The following ALPL variants were observed in gnomAD, a reference collection of about 807,000 sequenced individuals.
ALPL encodes the protein alkaline phosphatase, tissue-nonspecific isozyme.
ALPL carries 42 observed loss-of-function variants against 51.3 expected under a neutral mutation model. The observed-to-expected ratio is 0.82, with a 90% CI of 0.64 to 1.06. The LOEUF is 1.06. ALPL is among the 50% of genes least tolerant of loss of function. The pLI is 0.00. For missense variants in ALPL, 589 were observed against 709.4 expected, an observed-to-expected ratio of 0.83 and a Z score of 1.93; for synonymous variants, 279 against 296.4, an observed-to-expected ratio of 0.94 and a Z score of 0.60.
At chr1:21,534,065 G>T (rs1644066703) in intron 1 of ALPL, among the ~76,000 whole-genome samples, 1 of 148,920 alleles carries the variant, frequency 6.7e-6, no homozygotes, top group South Asian at 2.1e-4. Flanking sequence ...GATCACTGCA[G>T]CCTAGACCTC....
At position 21,532,110 on chromosome 1, in the gene ALPL, A is replaced by G. The variant is rs77972728; in HGVS notation, c.-104-21868A>G. Among the ~76,000 whole-genome samples the G allele has an allele frequency of 6.7e-3, 1,021 of 152,324 alleles. 11 individuals carry two copies. The highest frequency in any genetic ancestry group is 0.023 in the African/African-American group (952 of 41,554). On this transcript the variant is annotated intron_variant, in intron 1 of 11. Transcript: ENST00000374840. ...CTGTCCCACCACCAGCCAGAGCACA[A>G]TGAATTCAAAAGTAAAACCATAAAC...
intron 8 of ALPL, among the ~76,000 whole-genome samples, chr1:21,572,559 C>T (rs10917017): frequency 0.19 from 28,689 of 152,138 alleles, 3,288 homozygotes; most frequent in East Asian, 0.46. Flanking sequence ...TTCCAGGGGG[C>T]AGGGGTTATT....
chr1:21,574,274 G>A (rs1270697024), intron 9 of ALPL: 9 of 919,196 alleles, frequency 9.8e-6, no homozygotes, highest in Non-Finnish European at 1.2e-5. Context: ...GTGCACTTCT[G>A]TTATGTGAAG....
intron 4 of ALPL, 112 bp downstream of exon 4, chr1:21,561,324 C>A: frequency 1.1e-6 from 1 of 879,640 alleles, no homozygotes; most frequent in Non-Finnish European, 1.9e-6. Context: ...CCTCCATGCC[C>A]AAGCCCACTC....
intron 8 of ALPL, 127 bp downstream of exon 8, chr1:21,570,501 A>G: frequency 1.1e-6 from 1 of 940,418 alleles, no homozygotes; most frequent in Non-Finnish European, 1.6e-6. Context: ...CTTGGGCTTC[A>G]GGACCTGGGA....
At chr1:21,575,225 C>A (rs975040115) in intron 9 of ALPL, among the ~76,000 whole-genome samples, 1 of 152,208 alleles carries the variant, frequency 6.6e-6, no homozygotes, top group African/African-American at 2.4e-5. Flanking sequence ...GAATTCACAT[C>A]CTGGCAAATC....
chr1:21,554,095 T>C lies in ALPL; in HGVS notation c.14T>C (p.Phe5Ser). 1.3e-6 allele frequency: 2 copies of C among 1,598,786 alleles called. No homozygotes were observed. The highest frequency in any genetic ancestry group is 1.3e-5 in the African/African-American group (1 of 74,364). ...TTGGGGTGCACCATGATTTCACCAT[T>C]CTTAGTACTGGCCATTGGCACCTGC... MISP[F>S]LVLAIGTCLT... The change falls in exon 2 of 12, where the codon TTC becomes TCC. Residue 5 changes from phenylalanine to serine, a missense_variant. Transcript: ENST00000374840.
At position 21,577,715 on chromosome 1, in the gene ALPL, T is replaced by C. The variant is rs1644762238; in HGVS notation, c.*67T>C. On this transcript the variant is annotated 3_prime_UTR_variant, in exon 12 of 12. Transcript: ENST00000374840. ...AACTTCCCACACGGCAGCCCCCCCCTCAAGGGGCAGGGAGGTGGGGGCCTC... is the reference window on the plus strand; with the variant it reads ...AACTTCCCACACGGCAGCCCCCCCCCCAAGGGGCAGGGAGGTGGGGGCCTC... 1 of 1,539,950 alleles carries C rather than the reference T, an allele frequency of 6.5e-7. No homozygotes were observed. The highest frequency in any genetic ancestry group is 8.7e-7 in the Non-Finnish European group (1 of 1,148,198).
At position 21,564,066 on chromosome 1, in the gene ALPL, C is replaced by A. The variant is rs1644527638; in HGVS notation, c.498C>A (p.Thr166=). 6.2e-7 allele frequency: 1 copy of A among 1,614,014 alleles called. No individual in the cohort carries two copies. Among genetic ancestry groups the A allele is most frequent in the Non-Finnish European group, 8.5e-7 (1 of 1,179,998 alleles). ...GGAAATCTGTGGGCATTGTGACCAC[C>A]ACGAGAGTGAACCATGCCACCCCCA... The part of the protein sequence containing the change: ...DAGKSVGIVT[T]TRVNHATPSA... The change falls in exon 6 of 12, where the codon ACC becomes ACA. Residue 166 remains threonine, a synonymous_variant. Coordinates refer to ENST00000374840, the MANE Select transcript of ALPL (RefSeq NM_000478.6). The surrounding 1 kb of genome is among the most constrained non-coding windows in gnomAD (Gnocchi z 5.8).
chr1:21,563,683 G>A (rs1419773234), intron 5 of ALPL, among the ~76,000 whole-genome samples: 2 of 152,180 alleles, frequency 1.3e-5, no homozygotes, highest in Non-Finnish European at 2.9e-5. Flanking sequence ...TTAGTCAGGG[G>A]CCAAGGCCAA....
chr1:21,560,802 G>A (rs1644473932), intron 3 of ALPL, 57 bp downstream of exon 3: 2 of 1,608,460 alleles, frequency 1.2e-6, no homozygotes, highest in African/African-American at 2.7e-5. Context: ...AGGAGCCCCG[G>A]GAGCCAGGCT....
chr1:21,573,059 G>A (rs1644671649), intron 8 of ALPL, among the ~76,000 whole-genome samples: 1 of 152,208 alleles, frequency 6.6e-6, no homozygotes, highest in South Asian at 2.1e-4. Context: ...GCAAGTTATG[G>A]AACACCTCTG....
chr1:21,565,552 G>C (rs1014100371), intron 6 of ALPL, among the ~76,000 whole-genome samples: 5 of 151,054 alleles, frequency 3.3e-5, no homozygotes, highest in Non-Finnish European at 5.9e-5. Flanking sequence ...CTGAGCAGGG[G>C]ACAGGAACTT....
chr1:21,576,512 C>G lies in ALPL; in HGVS notation c.1190-10C>G, dbSNP rs752514540. On this transcript the variant is annotated splice_polypyrimidine_tract_variant and intron_variant, in intron 10 of 11. Coordinates refer to ENST00000374840, the MANE Select transcript of ALPL (RefSeq NM_000478.6). ...CCAGCATGACCCCTGAACACCCCCT[C>G]CCTGTGCAGGTCTGGCCCCCATGCT... The G allele has an allele frequency of 1.2e-5, 20 of 1,613,650 alleles. No homozygotes were observed. Among genetic ancestry groups the G allele is most frequent in the Non-Finnish European group, 1.7e-5 (20 of 1,179,802 alleles).
chr1:21,570,277 C>A (rs61778391), intron 7 of ALPL, 28 bp from the exon 8 acceptor site: 1 of 1,611,860 alleles, frequency 6.2e-7, no homozygotes, highest in East Asian at 2.2e-5. Context: ...TAGCCCCCGG[C>A]ATGTGCTGAC....
At chr1:21,573,858 TGGA>T (rs1644688726) in intron 9 of ALPL, 59 bp downstream of exon 9, 1 of 1,611,976 alleles carries the variant, frequency 6.2e-7, no homozygotes, top group African/African-American at 1.3e-5. Flanking sequence ...GGTGTCAGGA[TGGA>T]GAAGTCCAGC....
At chr1:21,523,844 G>A (rs1245316845) in intron 1 of ALPL, among the ~76,000 whole-genome samples, 1 of 152,150 alleles carries the variant, frequency 6.6e-6, no homozygotes, top group African/African-American at 2.4e-5. Flanking sequence ...CCCAGGGCTT[G>A]GCTCTGGTGA....
intron 10 of ALPL, 54 bp from the exon 11 acceptor site, chr1:21,576,468 G>A: frequency 6.2e-7 from 1 of 1,604,250 alleles, no homozygotes. Flanking sequence ...TGGGGGCTGG[G>A]GACTGTACTC....
At chr1:21,548,041 G>C (rs115203203) in intron 1 of ALPL, among the ~76,000 whole-genome samples, 2,298 of 152,328 alleles carry the variant, frequency 0.015, 50 homozygotes, top group African/African-American at 0.051. Flanking sequence ...CCACAGCCTA[G>C]CCGGGGCTTC....
Sources: allele counts gnomAD v4.1 joint callset (sites outside exome capture counted in the v4.1 genomes callset), GRCh38; gene constraint gnomAD v4.1.1; non-coding constraint Gnocchi (gnomAD v3.1); transcripts MANE v1.5; gene names NCBI Gene and HGNC (gene_info 2026-07-23, HGNC 2026-07-21).